The following GPHN variants were observed in gnomAD, a reference collection of about 807,000 sequenced individuals.
GPHN encodes the protein gephyrin.
GPHN carries 17 observed loss-of-function variants against 95.5 expected under a neutral mutation model. The ratio of observed to expected loss-of-function variants is 0.18; its 90% confidence interval spans 0.12 to 0.27. GPHN has a LOEUF of 0.27. Ranked by LOEUF, GPHN falls within the 10% of genes least tolerant of loss-of-function variation. The pLI is 1.00. For missense variants in GPHN, 660 were observed against 978.1 expected (o/e 0.67, Z 4.34); for synonymous variants, 320 against 322.5 (o/e 0.99, Z 0.08).
At chr14:67,417,194 G>A in the GPHN span, among the ~76,000 whole-genome samples, 1 of 152,206 alleles carries the variant, frequency 6.6e-6, no homozygotes, top group African/African-American at 2.4e-5. Flanking sequence ...TGCCACCCAT[G>A]TTACTGATGG....
chr14:66,870,412 G>A (rs1682511686), intron 4 of GPHN, among the ~76,000 whole-genome samples: 1 of 152,116 alleles, frequency 6.6e-6, no homozygotes, highest in African/African-American at 2.4e-5. Context: ...CCTGAATTAT[G>A]TTTAGAGAAA....
chr14:67,361,249 GTA>G, the GPHN span, among the ~76,000 whole-genome samples: 1 of 152,178 alleles, frequency 6.6e-6, no homozygotes, highest in African/African-American at 2.4e-5. Flanking sequence ...TCGAGAAAAA[GTA>G]TAGCAGAGAA....
intron 12 of GPHN, among the ~76,000 whole-genome samples, chr14:67,098,782 A>G (rs1454126777): frequency 6.6e-6 from 1 of 151,574 alleles, no homozygotes; most frequent in Non-Finnish European, 1.5e-5. Flanking sequence ...AGATTGTGCC[A>G]TTGCACTCCA....
chr14:67,550,846 T>C, the GPHN span, among the ~76,000 whole-genome samples: 2 of 152,218 alleles, frequency 1.3e-5, no homozygotes, highest in Non-Finnish European at 2.9e-5. Flanking sequence ...TGAATCTTAG[T>C]AACTGTGTGA....
the GPHN span, among the ~76,000 whole-genome samples, chr14:67,522,034 C>T: frequency 6.6e-6 from 1 of 152,108 alleles, no homozygotes; most frequent in Non-Finnish European, 1.5e-5. Context: ...ATTAGCCGGG[C>T]ATGGTGGAGC....
At chr14:66,881,815 T>C (rs1243762017) in intron 5 of GPHN, among the ~76,000 whole-genome samples, 1 of 151,874 alleles carries the variant, frequency 6.6e-6, no homozygotes. Flanking sequence ...TACTTTGGAA[T>C]GAGTTGTTCA....
At chr14:67,397,494 A>G in the GPHN span, among the ~76,000 whole-genome samples, 1 of 152,214 alleles carries the variant, frequency 6.6e-6, no homozygotes, top group Non-Finnish European at 1.5e-5. Flanking sequence ...AGGTTTAGCT[A>G]CTTGTCCAAG....
the GPHN span, among the ~76,000 whole-genome samples, chr14:67,549,394 C>T: frequency 6.6e-6 from 1 of 152,030 alleles, no homozygotes; most frequent in Non-Finnish European, 1.5e-5. Flanking sequence ...CCTCAGCCTC[C>T]CGAGTAGCTG....
chr14:67,475,965 G>A, the GPHN span, among the ~76,000 whole-genome samples: 3 of 152,222 alleles, frequency 2.0e-5, no homozygotes, highest in Non-Finnish European at 1.5e-5. Context: ...ACGCAGGCCC[G>A]TCCTGGGCAG....
At chr14:66,863,200 G>GA (rs552371465) in intron 4 of GPHN, among the ~76,000 whole-genome samples, 1,959 of 119,864 alleles carry the variant, frequency 0.016, 20 homozygotes, top group African/African-American at 0.031. Context: ...ATCTGAAAAA[G>GA]AAAAAAAAAA....
the GPHN span, chr14:67,227,566 A>G: frequency 6.6e-6 from 1 of 152,114 alleles, no homozygotes; most frequent in Admixed American, 6.6e-5. Flanking sequence ...TACAGACTTC[A>G]TATTATTACA....
the GPHN span, among the ~76,000 whole-genome samples, chr14:67,331,209 T>A: frequency 6.6e-6 from 1 of 152,096 alleles, no homozygotes; most frequent in Non-Finnish European, 1.5e-5. Context: ...CACGCCTGGC[T>A]ATTTTTTGTA....
At chr14:67,517,833 G>A in the GPHN span, among the ~76,000 whole-genome samples, 1 of 152,216 alleles carries the variant, frequency 6.6e-6, no homozygotes, top group African/African-American at 2.4e-5. Context: ...GGGTTAGAGT[G>A]CTAGTAAAGG....
At position 66,776,017 on chromosome 14, in the gene GPHN, T is replaced by C. The variant is rs1312684565; in HGVS notation, c.144-447T>C. On this transcript the variant is annotated intron_variant, in intron 2 of 22. Coordinates refer to ENST00000478722, the MANE Select transcript of GPHN (RefSeq NM_020806.5). The stretch of plus-strand genomic sequence containing the variant: ...GATGTTAATAACAAGGGAAACAAGG[T>C]CATGGGGAAGGAAGGGCAGAAATAT... 2.0e-5 allele frequency among the ~76,000 whole-genome samples: 3 copies of C among 152,128 alleles called. No individual in the cohort carries two copies. In the East Asian group the frequency reaches 5.8e-4, roughly 29 times the overall value.
At chr14:66,949,134 G>A (rs931553100) in intron 8 of GPHN, among the ~76,000 whole-genome samples, 4 of 152,032 alleles carry the variant, frequency 2.6e-5, no homozygotes, top group African/African-American at 9.7e-5. Context: ...GGCTCAGGCT[G>A]GAGTGCAGTG....
At chr14:66,945,102 A>AT (rs2067668191) in intron 8 of GPHN, among the ~76,000 whole-genome samples, 1 of 152,220 alleles carries the variant, frequency 6.6e-6, no homozygotes, top group Non-Finnish European at 1.5e-5. Flanking sequence ...TAGAAAAAAA[A>AT]CACGTTCTTG....
the GPHN span, chr14:67,473,274 G>A: frequency 8.9e-7 from 1 of 1,127,810 alleles, no homozygotes. The surrounding 1 kb of genome is among the most constrained non-coding windows in gnomAD (Gnocchi z 6.5). Context: ...CGGCCCCCGC[G>A]GACGTTAGGG....
At position 66,687,735 on chromosome 14, in the gene GPHN, C is replaced by A. The variant is rs147303039; in HGVS notation, c.143+6550C>A. Among the ~76,000 whole-genome samples the A allele has an allele frequency of 5.8e-4, 88 of 152,130 alleles. 1 individual carries two copies. In the East Asian group the frequency reaches 0.014, roughly 24 times the overall value. On this transcript the variant is annotated intron_variant, in intron 2 of 22. Transcript: ENST00000478722. ...AACTCCTGACCTCAGGTGATCCGCC[C>A]ACCTCGGCCTCCCAAAGTGCTGGGA...
chr14:67,728,281 A>G, the GPHN span: 3 of 152,212 alleles, frequency 2.0e-5, no homozygotes, highest in Non-Finnish European at 1.5e-5. Context: ...AATAATTGAG[A>G]GGTTTATGTG....
Sources: gnomAD v4.1 joint callset for allele counts (sites outside exome capture counted in the v4.1 genomes callset) on GRCh38, gnomAD v4.1.1 for gene constraint, Gnocchi (gnomAD v3.1) non-coding constraint, MANE v1.5 for transcripts, NCBI Gene and HGNC (gene_info 2026-07-23, HGNC 2026-07-21) for gene names.